Variants in CLVS1 observed in about 807,000 individuals in gnomAD.
CLVS1 encodes the protein clavesin 1.
CLVS1 carries 10 observed loss-of-function variants against 33.1 expected under a neutral mutation model. That is an observed-to-expected ratio of 0.30 (90% CI 0.19 to 0.51). The LOEUF is 0.51. Ranked by LOEUF, CLVS1 falls within the 20% of genes least tolerant of loss-of-function variation. The pLI is 0.97. For missense variants in CLVS1, 343 were observed against 433.4 expected (o/e 0.79, Z 1.85); for synonymous variants, 163 against 166.1 (o/e 0.98, Z 0.14).
rs1804629294 is a variant in CLVS1, at chr8:61,063,847, A to T, written c.-243+6617A>T. ...TTTTCAGAACTTTTTCATTGTCCCTAGTAGGAACTCTGTACCCATTAACCA... is the reference window on the plus strand; with the variant it reads ...TTTTCAGAACTTTTTCATTGTCCCTTGTAGGAACTCTGTACCCATTAACCA... On this transcript the variant is annotated intron_variant, in intron 1 of 2. Transcript: ENST00000522621. Among the ~76,000 whole-genome samples, 4 of 152,170 alleles carry T rather than the reference A, an allele frequency of 2.6e-5. No homozygotes were observed. In the South Asian group the frequency reaches 8.3e-4, roughly 32 times the overall value.
intron 2 of CLVS1, among the ~76,000 whole-genome samples, chr8:61,254,586 C>A (rs1207935462): frequency 1.3e-5 from 2 of 152,176 alleles, no homozygotes; most frequent in East Asian, 1.9e-4. Context: ...AGCTTCCCAG[C>A]CACTTTGTTT....
chr8:61,146,323 T>C (rs1806414141), intron 2 of CLVS1, among the ~76,000 whole-genome samples: 1 of 152,236 alleles, frequency 6.6e-6, no homozygotes, highest in African/African-American at 2.4e-5. Context: ...GTTTAACCCC[T>C]ATTTAGTAAG....
At chr8:61,370,211 T>C (rs1481816613) in intron 2 of CLVS1, 2 of 152,088 alleles carry the variant, frequency 1.3e-5, no homozygotes, top group Non-Finnish European at 2.9e-5. Flanking sequence ...AAAATTTTAT[T>C]TTTTGTTTTT....
chr8:61,208,786 C>G (rs1807912949), intron 2 of CLVS1, among the ~76,000 whole-genome samples: 1 of 152,136 alleles, frequency 6.6e-6, no homozygotes, highest in Non-Finnish European at 1.5e-5. Context: ...TGGGGTTTCA[C>G]CATGTTGGCC....
At chr8:61,241,361 T>G (rs1275946397) in intron 2 of CLVS1, among the ~76,000 whole-genome samples, 1 of 152,198 alleles carries the variant, frequency 6.6e-6, no homozygotes, top group African/African-American at 2.4e-5. Flanking sequence ...CAACCATCCT[T>G]GCATTTCTGA....
At chr8:61,144,223 C>T (rs922804093) in intron 2 of CLVS1, among the ~76,000 whole-genome samples, 4 of 152,046 alleles carry the variant, frequency 2.6e-5, no homozygotes, top group Admixed American at 6.6e-5. Flanking sequence ...CCAACAGGCC[C>T]CGGTGTGTGA....
intron 2 of CLVS1, among the ~76,000 whole-genome samples, chr8:61,176,996 T>A (rs572834708): frequency 6.6e-6 from 1 of 151,982 alleles, no homozygotes; most frequent in South Asian, 2.1e-4. Flanking sequence ...GTCTAAGCCA[T>A]CTGAGTTCCT....
the CLVS1 span, among the ~76,000 whole-genome samples, chr8:60,984,291 GT>G: frequency 1.0e-4 from 15 of 148,996 alleles, no homozygotes; most frequent in Non-Finnish European, 1.9e-4. Flanking sequence ...AAAAGGTCTA[GT>G]TTTTTTTCTT....
rs116040455 is a variant in CLVS1, at chr8:61,375,541, G to C, written c.456-1064G>C. ...CCTGGGATTACAGGCTTTAGCCACC[G>C]CCTGGCCCTGGCTTACATTTTTATC... is the stretch of plus-strand genomic sequence containing the variant. On this transcript the variant is annotated intron_variant, in intron 2 of 5. Transcript: ENST00000325897. Among the ~76,000 whole-genome samples the C allele has an allele frequency of 1.5e-3, 230 of 152,180 alleles. 1 individual carries two copies. The highest frequency in any genetic ancestry group is 5.3e-3 in the African/African-American group (220 of 41,540).
intron 2 of CLVS1, among the ~76,000 whole-genome samples, chr8:61,132,426 G>A (rs550863078): frequency 2.6e-5 from 4 of 152,336 alleles, no homozygotes; most frequent in South Asian, 2.1e-4. Flanking sequence ...GGGACAACGC[G>A]GGCTGAGGCT....
chr8:61,454,295 G>A, intron 4 of CLVS1, 44 bp downstream of exon 4: 2 of 1,414,956 alleles, frequency 1.4e-6, no homozygotes, highest in South Asian at 2.3e-5. Flanking sequence ...GTACAATTTT[G>A]GTGCTTCTAT....
chr8:61,181,966 G>A (rs769104303), intron 2 of CLVS1, among the ~76,000 whole-genome samples: 26 of 152,124 alleles, frequency 1.7e-4, no homozygotes, highest in Non-Finnish European at 7.4e-5. Flanking sequence ...CTCCCAAAGT[G>A]CTGGGATTAC....
At chr8:61,056,188 G>A (rs73252848), upstream of CLVS1, among the ~76,000 whole-genome samples, 13,965 of 152,248 alleles carry the variant, frequency 0.092, 1,022 homozygotes, top group African/African-American at 0.2. Context: ...TCTGCCTCCT[G>A]TGGCCATAGT....
At chr8:61,123,339 A>G (rs1006771818) in intron 1 of CLVS1, among the ~76,000 whole-genome samples, 10 of 152,272 alleles carry the variant, frequency 6.6e-5, no homozygotes, top group African/African-American at 2.4e-4. Context: ...AAACAACACA[A>G]CATTTATAAG....
intron 3 of CLVS1, among the ~76,000 whole-genome samples, chr8:61,446,472 A>G (rs1816761139): frequency 1.3e-5 from 2 of 152,188 alleles, no homozygotes; most frequent in Admixed American, 6.5e-5. Context: ...GAGAGGTTGT[A>G]TCTGTTGAGG....
Position 61,478,687 on chromosome 8 carries a change from C to T in CLVS1, c.977+20145C>T, listed in dbSNP as rs61256341. ...TTTGCTTAGTAGATCTTCCTCCAGC[C>T]CTTTATTTTGAGCCTATGTTTGTCT... is the stretch of plus-strand genomic sequence containing the variant. On this transcript the variant is annotated intron_variant, in intron 5 of 5. Coordinates refer to ENST00000325897, the MANE Select transcript of CLVS1 (RefSeq NM_173519.3). Among the ~76,000 whole-genome samples, 368 of 152,278 alleles carry T rather than the reference C, an allele frequency of 2.4e-3. 13 individuals are homozygous for T. In the East Asian group the frequency reaches 0.057, roughly 24 times the overall value.
chr8:61,275,149 G>T (rs1440662928), intron 2 of CLVS1, among the ~76,000 whole-genome samples: 1 of 151,990 alleles, frequency 6.6e-6, no homozygotes, highest in African/African-American at 2.4e-5. Flanking sequence ...GAGACCTCTG[G>T]GCTTGGCCTG....
rs73682220 is a variant in CLVS1, at chr8:61,318,616, A to G, written c.455+18334A>G. ...CATTTGTCTGTTGCCAGAACTTCTC[A>G]TTCTATTTTCAAGACTTTTAATTTT... On this transcript the variant is annotated intron_variant, in intron 2 of 5. Coordinates refer to ENST00000325897, the MANE Select transcript of CLVS1 (RefSeq NM_173519.3). Among the ~76,000 whole-genome samples, 908 of 152,218 alleles carry G rather than the reference A, an allele frequency of 6.0e-3. 9 individuals carry two copies. The highest frequency in any genetic ancestry group is 0.021 in the African/African-American group (866 of 41,538).
intron 2 of CLVS1, among the ~76,000 whole-genome samples, chr8:61,335,158 G>A (rs1811751583): frequency 6.6e-6 from 1 of 152,180 alleles, no homozygotes. Context: ...AATATTGGAA[G>A]CACTGATTTT....
Sources: gnomAD v4.1 joint callset for allele counts (sites outside exome capture counted in the v4.1 genomes callset) on GRCh38, gnomAD v4.1.1 for gene constraint, MANE v1.5 for transcripts, NCBI Gene and HGNC (gene_info 2026-07-23, HGNC 2026-07-21) for gene names.